The following TTC5 variants were observed in gnomAD, a reference collection of about 807,000 sequenced individuals.
TTC5 encodes the protein tetratricopeptide repeat domain 5.
A neutral mutation model predicts 57.4 loss-of-function variants in TTC5; 46 were observed. That is an observed-to-expected ratio of 0.80 (90% CI 0.63 to 1.03). The LOEUF (loss-of-function observed/expected upper bound fraction) is 1.03, where lower values mean the gene tolerates loss of function less well. Ranked by LOEUF, TTC5 falls within the 50% of genes least tolerant of loss-of-function variation. TTC5 has a pLI of 0.00. For missense variants in TTC5, 504 were observed against 528.1 expected, an observed-to-expected ratio of 0.95 and a Z score of 0.45; for synonymous variants, 190 against 203.5, an observed-to-expected ratio of 0.93 and a Z score of 0.57.
intron 9 of TTC5, among the ~76,000 whole-genome samples, chr14:20,291,297 A>G (rs1881947828): frequency 6.6e-6 from 1 of 152,080 alleles, no homozygotes; most frequent in Non-Finnish European, 1.5e-5. Context: ...GGCTCAAGTG[A>G]TCCTCCCACC....
chr14:20,295,344 T>C lies in TTC5; in HGVS notation c.1026A>G (p.Val342=), dbSNP rs61745005. The C allele has an allele frequency of 1.5e-3, 2,472 of 1,614,174 alleles. 38 individuals are homozygous for C. In the African/African-American group the frequency reaches 0.027, roughly 18 times the overall value. ...CTTTCTCCTCTGTGGTGAGGCTAAA[T>C]ACCACCTTTCCCAGGATGACGGCAC... The part of the protein sequence containing the change: ...NSGAVILGKV[V]FSLTTEEKVP... Residue 342 remains valine (V), a synonymous_variant, in exon 8 of 10, where the codon GTA becomes GTG. Transcript: ENST00000258821.
At chr14:20,301,538 T>C (rs1202465963) in intron 2 of TTC5, among the ~76,000 whole-genome samples, 2 of 151,622 alleles carry the variant, frequency 1.3e-5, no homozygotes, top group African/African-American at 4.8e-5. Flanking sequence ...AAGATAGCCA[T>C]GGCCATGGTA....
chr14:20,289,724 C>A lies in TTC5; in HGVS notation c.1226G>T (p.Arg409Leu). The A allele has an allele frequency of 2.5e-6, 4 of 1,613,504 alleles. No individual in the cohort carries two copies. Among genetic ancestry groups the A allele is most frequent in the South Asian group, 1.1e-5 (1 of 90,992 alleles). Residue 409 changes from arginine (R) to leucine (L), a missense_variant, in exon 10 of 10, where the codon CGA (arginine) becomes CTA (leucine). Arg to Leu is a moderately radical substitution (Grantham distance 102). Transcript: ENST00000258821. The part of the protein sequence containing the change: ...KGKDYSFSSV[R>L]VETPLLLVVN... ...CACTAGCAGGAGGGGCGTCTCCACTCGAACACTGGAAAAGGAATAGTCCTA... is the reference window on the plus strand; with the variant it reads ...CACTAGCAGGAGGGGCGTCTCCACTAGAACACTGGAAAAGGAATAGTCCTA...
intron 1 of TTC5, 109 bp downstream of exon 1, chr14:20,305,778 C>G: frequency 8.6e-7 from 1 of 1,159,250 alleles, no homozygotes. Context: ...CACACAGACG[C>G]ACGCAGCTTC....
rs951361349 is a variant in TTC5 at position 20,286,409 on chromosome 14, A to C, written c.*3218T>G. On this transcript the variant is annotated 3_prime_UTR_variant, in exon 10 of 10. Transcript: ENST00000258821. ...TATGCCTACTATGTGATATTTTATA[A>C]TCATCTGGTTGGTAAAAATTAAAAA... 1 of 152,172 alleles carries C rather than the reference A, an allele frequency of 6.6e-6. No individual in the cohort carries two copies. Among genetic ancestry groups the C allele is most frequent in the Non-Finnish European group, 1.5e-5 (1 of 68,026 alleles). The allele number at this position is 152,172 out of a possible 1,614,324, so 9.4% of individuals were successfully genotyped here. A position where few individuals can be genotyped will look rare whatever the true frequency, so the allele number is the denominator to read the frequency against.
chr14:20,303,040 A>C (rs748719120), intron 1 of TTC5, among the ~76,000 whole-genome samples: 6 of 152,032 alleles, frequency 3.9e-5, no homozygotes, highest in Non-Finnish European at 8.8e-5. Context: ...AAAAATACAA[A>C]AATTAGCCAG....
At position 20,298,847 on chromosome 14, in the gene TTC5, C is replaced by T. The variant is rs779236155; in HGVS notation, c.589G>A (p.Gly197Ser). 2 of 1,613,922 alleles carry T rather than the reference C, an allele frequency of 1.2e-6. No homozygotes were observed. The highest frequency in any genetic ancestry group is 2.2e-5 in the East Asian group (1 of 44,888). ...NSYLSLYFST[G>S]QNPKISQQAL... ...TGCTGGGAGATCTTAGGGTTCTGGCCAGTAGAGAAGTAAAGGGAAAGATAT... is the reference window on the plus strand; with the variant it reads ...TGCTGGGAGATCTTAGGGTTCTGGCTAGTAGAGAAGTAAAGGGAAAGATAT... Residue 197 changes from glycine to serine, a missense_variant, in exon 5 of 10, where the codon GGC becomes AGC. Physicochemically the swap from Gly to Ser is moderately conservative, Grantham distance 56. Transcript: ENST00000258821.
rs1198789655 is a variant in TTC5, at chr14:20,301,859, G to A, written c.158C>T (p.Thr53Ile). Reference protein sequence around the residue: ...QQDVQKEMEKTLQQMEEVVGS... With the variant: ...QQDVQKEMEKILQQMEEVVGS... ...CACTACTTCTTCCATCTGCTGTAGGGTTTTCTCCATCTCCTTCTGCACATC... is the reference window on the plus strand; with the variant it reads ...CACTACTTCTTCCATCTGCTGTAGGATTTTCTCCATCTCCTTCTGCACATC... The change falls in exon 2 of 10, where the codon ACC (threonine) becomes ATC (isoleucine). Residue 53 changes from threonine (T) to isoleucine (I), a missense_variant. Transcript: ENST00000258821. 2 of 1,614,030 alleles carry A rather than the reference G, an allele frequency of 1.2e-6. No individual in the cohort carries two copies. The highest frequency in any genetic ancestry group is 1.7e-6 in the Non-Finnish European group (2 of 1,179,982).
chr14:20,299,300 C>T lies in TTC5; in HGVS notation c.545G>A (p.Trp182Ter), dbSNP rs1285388091. Residue 182 changes from tryptophan (W) to a stop codon, truncating the protein, a stop_gained and splice_region_variant, in exon 4 of 10, where the codon TGG becomes TAG. Coordinates refer to ENST00000258821, the MANE Select transcript of TTC5 (RefSeq NM_138376.3). LOFTEE classifies it high-confidence loss of function. The part of the protein sequence containing the change: ...VQMDVHDGRS[W>*]YILGNSYLSL... ...GGAGATCTTTTGAGAGCACTCACAC[C>T]AGGAGCGGCCATCATGGACATCCAT... 23 of 1,613,324 alleles carry T rather than the reference C, an allele frequency of 1.4e-5. No individual in the cohort carries two copies. Among genetic ancestry groups the T allele is most frequent in the Non-Finnish European group, 1.9e-5 (22 of 1,179,622 alleles).
rs1566393962 is a variant in TTC5, at chr14:20,305,609, G to A, written c.51+278C>T. ...ATGCTATTCGCTATGGATGAATCGA[G>A]AAAACAACGTCCTCTCTAAAAATGT... is the stretch of plus-strand genomic sequence containing the variant. On this transcript the variant is annotated intron_variant, in intron 1 of 9. Transcript: ENST00000258821. 19 of 532,094 alleles carry A rather than the reference G, an allele frequency of 3.6e-5. No individual in the cohort carries two copies. The East Asian group carries it at 5.6e-4, about 16-fold the overall frequency. 33.0% of individuals were successfully genotyped at this position (532,094 alleles called of 1,614,324 possible).
At chr14:20,303,966 C>T (rs1882240954) in intron 1 of TTC5, among the ~76,000 whole-genome samples, 1 of 152,170 alleles carries the variant, frequency 6.6e-6, no homozygotes, top group Admixed American at 6.5e-5. Flanking sequence ...AATATCAATT[C>T]CAGAAAGGTT....
Position 20,291,721 on chromosome 14 carries a change from A to C in TTC5, c.1203+262T>G, listed in dbSNP as rs150455932. Among the ~76,000 whole-genome samples, 153 of 152,262 alleles carry C rather than the reference A, an allele frequency of 1.0e-3. 1 individual carries two copies. Among genetic ancestry groups the C allele is most frequent in the Non-Finnish European group, 1.8e-3 (124 of 68,024 alleles). On this transcript the variant is annotated intron_variant, in intron 9 of 9. Coordinates refer to ENST00000258821, the MANE Select transcript of TTC5 (RefSeq NM_138376.3). The stretch of plus-strand genomic sequence containing the variant: ...AAAAGACTTCAGGTATATACACCAA[A>C]CTGTTAACAGTAACAGTTAAAAGGC...
chr14:20,292,358 C>T, intron 8 of TTC5: 1 of 256,850 alleles, frequency 3.9e-6, no homozygotes, highest in African/African-American at 2.2e-5. Context: ...GAGGTACCAT[C>T]TTCCACTTTA....
In TTC5 at chr14:20,295,866, G is replaced by A; in HGVS notation, c.697-12C>T. 6.4e-7 allele frequency: 1 copy of A among 1,565,448 alleles called. No homozygotes were observed. The highest frequency in any genetic ancestry group is 8.6e-7 in the Non-Finnish European group (1 of 1,160,726). ...TCATATTTATGCAACTGTACAAGAA[G>A]TGTATCCCAATTATAAGTATATCCA... is the stretch of plus-strand genomic sequence containing the variant. On this transcript the variant is annotated splice_polypyrimidine_tract_variant and intron_variant, in intron 6 of 9. Transcript: ENST00000258821.
intron 4 of TTC5, 110 bp downstream of exon 4, chr14:20,299,188 C>A: frequency 8.2e-7 from 1 of 1,219,482 alleles, no homozygotes; most frequent in Non-Finnish European, 1.1e-6. Flanking sequence ...ACAAAGATGC[C>A]CTCTCTGGCT....
chr14:20,300,143 G>GTGTGTATATATATA (rs370417927), intron 3 of TTC5, among the ~76,000 whole-genome samples: 7 of 27,144 alleles, frequency 2.6e-4, no homozygotes, highest in African/African-American at 3.3e-4. Context: ...TCTGGTCCAT[G>GTGTGTATATATATA]TATATATATA....
rs1882036675 is a variant in TTC5, at chr14:20,295,322, T to G, written c.1048A>C (p.Lys350Gln). 3.1e-6 allele frequency: 5 copies of G among 1,614,128 alleles called. No individual in the cohort carries two copies. Among genetic ancestry groups the G allele is most frequent in the Non-Finnish European group, 4.2e-6 (5 of 1,180,010 alleles). ...CCAAGAGAAACTCACAAGGGGACTT[T>G]CTCCTCTGTGGTGAGGCTAAATACC... ...KVVFSLTTEE[K>Q]VPFTFGLVDS... The change falls in exon 8 of 10, where the codon AAA becomes CAA. Residue 350 changes from lysine (K) to glutamine (Q), a missense_variant. Physicochemically the swap from Lys to Gln is moderately conservative, Grantham distance 53. Coordinates refer to ENST00000258821, the MANE Select transcript of TTC5 (RefSeq NM_138376.3).
At position 20,289,665 on chromosome 14, in the gene TTC5, C is replaced by A; in HGVS notation, c.1285G>T (p.Ala429Ser). 1 of 1,613,806 alleles carries A rather than the reference C, an allele frequency of 6.2e-7. No homozygotes were observed. The highest frequency in any genetic ancestry group is 8.5e-7 in the Non-Finnish European group (1 of 1,179,770). Residue 429 changes from alanine (A) to serine (S), a missense_variant, in exon 10 of 10, where the codon GCT becomes TCT. Physicochemically the swap from Ala to Ser is moderately conservative, Grantham distance 99. Transcript: ENST00000258821. ...GGTCGCGATGCCACTGTGGCAACAG[C>A]CTGGCTGCTGGATCCCTGAGGCTTC... The part of the protein sequence containing the change: ...NGKPQGSSSQ[A>S]VATVASRPQC...
intron 9 of TTC5, among the ~76,000 whole-genome samples, chr14:20,290,596 A>C (rs1209174558): frequency 6.6e-6 from 1 of 152,246 alleles, no homozygotes; most frequent in African/African-American, 2.4e-5. Flanking sequence ...TGGTAGTGAC[A>C]ACTAACTAGT....
Sources: gnomAD v4.1 joint callset for allele counts (sites outside exome capture counted in the v4.1 genomes callset) on GRCh38, gnomAD v4.1.1 for gene constraint, MANE v1.5 for transcripts, NCBI Gene and HGNC (gene_info 2026-07-23, HGNC 2026-07-21) for gene names.